The following LRP2BP variants were observed in gnomAD, a reference collection of about 807,000 sequenced individuals.
The protein encoded by LRP2BP is LRP2-binding protein.
In LRP2BP, 38 loss-of-function variants were observed where a neutral mutation model predicts 45.2. The ratio of observed to expected loss-of-function variants is 0.84; its 90% confidence interval spans 0.65 to 1.10. The LOEUF (loss-of-function observed/expected upper bound fraction) is 1.10. Ranked by LOEUF, LRP2BP falls within the 50% of genes least tolerant of loss-of-function variation. LRP2BP has a pLI of 0.00. For missense variants in LRP2BP, 385 were observed against 418.9 expected (o/e 0.92, Z 0.71); for synonymous variants, 153 against 153.9 (o/e 0.99, Z 0.04).
chr4:185,396,867 C>T, upstream of LRP2BP: 4 of 1,585,880 alleles, frequency 2.5e-6, no homozygotes, highest in Non-Finnish European at 3.5e-6. Context: ...CGGGGTGCGG[C>T]GAGTGTCTCA....
rs1038144850 is a variant in LRP2BP at position 185,365,255 on chromosome 4, A to G, written c.*1925T>C. 5 of 152,218 alleles carry G rather than the reference A, an allele frequency of 3.3e-5. No homozygotes were observed. The highest frequency in any genetic ancestry group is 7.3e-5 in the Non-Finnish European group (5 of 68,040). 9.4% of individuals were successfully genotyped at this position (152,218 alleles called of 1,614,324 possible). A position where few individuals can be genotyped will look rare whatever the true frequency, so the allele number is the denominator to read the frequency against. On this transcript the variant is annotated 3_prime_UTR_variant, in exon 9 of 9. Coordinates refer to ENST00000505916, the MANE Select transcript of LRP2BP (RefSeq NM_001377440.1). ...AGCATAGCATGTTACCATGTATGGC[A>G]CACGTCAAAGTTTATGATTTCTGAA...
intron 7 of LRP2BP, 145 bp downstream of exon 7, chr4:185,372,711 A>G: frequency 1.6e-6 from 1 of 610,294 alleles, no homozygotes; most frequent in Non-Finnish European, 2.8e-6. Flanking sequence ...TTCTGCTGTC[A>G]CGTGAGGACA....
chr4:185,386,866 G>A (rs1393161477), intron 1 of LRP2BP, among the ~76,000 whole-genome samples: 3 of 152,208 alleles, frequency 2.0e-5, no homozygotes, highest in South Asian at 4.1e-4. Context: ...AGTGGATGCC[G>A]TGGAGACATG....
At position 185,365,932 on chromosome 4, in the gene LRP2BP, C is replaced by T. The variant is rs1362762962; in HGVS notation, c.*1248G>A. ...AATACAGACAAGCCAGAACATAAAA[C>T]GAGAGCAAATACTTTTCTGCCATTC... On this transcript the variant is annotated 3_prime_UTR_variant, in exon 9 of 9. Coordinates refer to ENST00000505916, the MANE Select transcript of LRP2BP (RefSeq NM_001377440.1). 1 of 152,128 alleles carries T rather than the reference C, an allele frequency of 6.6e-6. No homozygotes were observed. The highest frequency in any genetic ancestry group is 1.5e-5 in the Non-Finnish European group (1 of 68,012). 9.4% of individuals were successfully genotyped at this position (152,128 alleles called of 1,614,324 possible). A position where few individuals can be genotyped will look rare whatever the true frequency, so the allele number is the denominator to read the frequency against.
rs1000949814 is a variant in LRP2BP at position 185,395,646 on chromosome 4, A to G, written c.-889T>C. On this transcript the variant is annotated 5_prime_UTR_variant, in exon 1 of 9. Coordinates refer to ENST00000505916, the MANE Select transcript of LRP2BP (RefSeq NM_001377440.1). ...ATATTCATATGAATAAAAATGCTTA[A>G]AACTACCCCTTGGGTAACTAAGTAT... is the stretch of plus-strand genomic sequence containing the variant. 3.0e-6 allele frequency: 3 copies of G among 983,952 alleles called. No individual in the cohort carries two copies. In the African/African-American group the frequency reaches 5.2e-5, roughly 17 times the overall value. The allele number at this position is 983,952 out of a possible 1,614,324, so 61.0% of individuals were successfully genotyped here. A position where few individuals can be genotyped will look rare whatever the true frequency, so the allele number is the denominator to read the frequency against.
chr4:185,389,774 G>GTACA (rs1351275571), intron 1 of LRP2BP, among the ~76,000 whole-genome samples: 1 of 152,098 alleles, frequency 6.6e-6, no homozygotes, highest in East Asian at 1.9e-4. Context: ...AAGAAACACT[G>GTACA]TACAGTAAAC....
chr4:185,373,467 G>A (rs754412947), intron 6 of LRP2BP, among the ~76,000 whole-genome samples: 38 of 152,150 alleles, frequency 2.5e-4, no homozygotes, highest in Non-Finnish European at 4.7e-4. Flanking sequence ...TCGAGCTCCC[G>A]GTGGATTCTA....
intron 3 of LRP2BP, among the ~76,000 whole-genome samples, chr4:185,376,411 G>C: frequency 6.6e-6 from 1 of 151,398 alleles, no homozygotes; most frequent in East Asian, 1.9e-4. Context: ...CAAGTAGCTG[G>C]GATTACAGAT....
chr4:185,377,836 T>A, intron 2 of LRP2BP: 1 of 381,536 alleles, frequency 2.6e-6, no homozygotes, highest in African/African-American at 2.1e-5. Context: ...TTCTGTTTTC[T>A]AGAAGCATGT....
At chr4:185,391,026 C>T (rs2095486993) in intron 1 of LRP2BP, 1 of 152,222 alleles carries the variant, frequency 6.6e-6, no homozygotes, top group Non-Finnish European at 1.5e-5. Flanking sequence ...CAAGTGAACA[C>T]ACTAGAGTCA....
chr4:185,367,088 G>T lies in LRP2BP; in HGVS notation c.*92C>A, dbSNP rs1341662426. On this transcript the variant is annotated 3_prime_UTR_variant, in exon 9 of 9. Transcript: ENST00000505916. The stretch of plus-strand genomic sequence containing the variant: ...TAAAATACCCAGGATAGTGTAATTT[G>T]TGATGTGCAAAATAACCAAACATAG... 9.3e-7 allele frequency: 1 copy of T among 1,075,514 alleles called. No homozygotes were observed. The highest frequency in any genetic ancestry group is 1.4e-6 in the Non-Finnish European group (1 of 708,918). 66.6% of individuals were successfully genotyped at this position (1,075,514 alleles called of 1,614,324 possible).
Position 185,374,257 on chromosome 4 carries a change from G to A in LRP2BP, c.474-17C>T. ...AGCCACAGTCTACAAGAGAAAGTGAGGCATGTTATTCTCGGTTTCAGCATT... is the reference window on the plus strand; with the variant it reads ...AGCCACAGTCTACAAGAGAAAGTGAAGCATGTTATTCTCGGTTTCAGCATT... On this transcript the variant is annotated splice_polypyrimidine_tract_variant and intron_variant, in intron 5 of 8. Coordinates refer to ENST00000505916, the MANE Select transcript of LRP2BP (RefSeq NM_001377440.1). 1 of 1,614,060 alleles carries A rather than the reference G, an allele frequency of 6.2e-7. No individual in the cohort carries two copies. Among genetic ancestry groups the A allele is most frequent in the Non-Finnish European group, 8.5e-7 (1 of 1,179,954 alleles).
At chr4:185,380,131 A>G (rs1272657428) in intron 1 of LRP2BP, among the ~76,000 whole-genome samples, 10 of 152,104 alleles carry the variant, frequency 6.6e-5, no homozygotes, top group African/African-American at 2.4e-4. Flanking sequence ...GCAATACAAT[A>G]AATATTGCCT....
chr4:185,379,356 A>C (rs981335296), intron 1 of LRP2BP, among the ~76,000 whole-genome samples: 2 of 152,192 alleles, frequency 1.3e-5, no homozygotes, highest in African/African-American at 4.8e-5. Flanking sequence ...TTATGACTGA[A>C]AGATTGGATG....
rs1463746883 is a variant in LRP2BP, at chr4:185,364,754, T to C, written c.*2426A>G. ...ATAAAAATTATCCTTCAAAAGACTA[T>C]ATAGAAAAGACCAGATAAAATACAT... On this transcript the variant is annotated 3_prime_UTR_variant, in exon 9 of 9. Coordinates refer to ENST00000505916, the MANE Select transcript of LRP2BP (RefSeq NM_001377440.1). 1 of 152,130 alleles carries C rather than the reference T, an allele frequency of 6.6e-6. No individual in the cohort carries two copies. The highest frequency in any genetic ancestry group is 1.5e-5 in the Non-Finnish European group (1 of 68,008). The allele number at this position is 152,130 out of a possible 1,614,324, so 9.4% of individuals were successfully genotyped here. A position where few individuals can be genotyped will look rare whatever the true frequency, so the allele number is the denominator to read the frequency against.
intron 8 of LRP2BP, 45 bp downstream of exon 8, chr4:185,370,595 G>T: frequency 6.3e-7 from 1 of 1,588,966 alleles, no homozygotes. Flanking sequence ...CTAAAAGCCT[G>T]GCAGTTTCTC....
chr4:185,373,783 T>C (rs1384227744), intron 6 of LRP2BP, among the ~76,000 whole-genome samples: 2 of 152,228 alleles, frequency 1.3e-5, no homozygotes, highest in Non-Finnish European at 2.9e-5. Flanking sequence ...TATTTGTAAC[T>C]AATTCTTGGT....
chr4:185,396,518 C>G (rs145393898), upstream of LRP2BP: 1 of 201,070 alleles, frequency 5.0e-6, no homozygotes, highest in Non-Finnish European at 1.0e-5. Context: ...CTACTCCAGT[C>G]CTCTCACGCC....
rs1295195450 is a variant in LRP2BP, at chr4:185,374,227, C to T, written c.487G>A (p.Ala163Thr). 7 of 1,614,066 alleles carry T rather than the reference C, an allele frequency of 4.3e-6. No individual in the cohort carries two copies. Among genetic ancestry groups the T allele is most frequent in the Middle Eastern group, 1.6e-4 (1 of 6,062 alleles). ...NEEAERLWLI[A>T]ADNGNPKASV... ...GCTTTGGGATTTCCATTGTCTGCTG[C>T]GATAAGCCACAGTCTACAAGAGAAA... The change falls in exon 6 of 9, where the codon GCA (alanine) becomes ACA (threonine). Residue 163 changes from alanine (A) to threonine (T), a missense_variant. By Grantham distance (58) the Ala-to-Thr change is moderately conservative. Coordinates refer to ENST00000505916, the MANE Select transcript of LRP2BP (RefSeq NM_001377440.1).
Sources: allele counts gnomAD v4.1 joint callset (sites outside exome capture counted in the v4.1 genomes callset), GRCh38; gene constraint gnomAD v4.1.1; transcripts MANE v1.5; gene names NCBI Gene and HGNC (gene_info 2026-07-23, HGNC 2026-07-21).